Variants in HECW1 observed in about 807,000 individuals in gnomAD.
HECW1 encodes the protein E3 ubiquitin-protein ligase HECW1.
Under a neutral mutation model 182.3 loss-of-function variants are expected in HECW1, and 61 were observed. The observed-to-expected ratio is 0.33, with a 90% CI of 0.27 to 0.41. The LOEUF is 0.41. Among genes scored for constraint, HECW1 ranks in the 10% least tolerant of loss-of-function variants. The probability of loss-of-function intolerance (pLI) is 1.00; values close to 1 mark genes in which losing one functional copy is unlikely to be tolerated. For synonymous variants in HECW1, 859 were observed against 832.6 expected (o/e 1.03, Z -0.55); for missense variants, 1,739 against 2,108.9 (o/e 0.82, Z 3.44).
rs1222301186 is a variant in HECW1, at chr7:43,243,987, C to T, written c.27+55C>T. On this transcript the variant is annotated intron_variant, in intron 3 of 29. Coordinates refer to ENST00000395891, the MANE Select transcript of HECW1 (RefSeq NM_015052.5). This position sits in a 1 kb window ranked among gnomAD's most constrained non-coding sequence, Gnocchi z 4.0. ...CATCCATGTCATTCCATTATAAACC[C>T]ACTCCACTCATAATGGAATGTGCCT... is the stretch of plus-strand genomic sequence containing the variant. 7.4e-7 allele frequency: 1 copy of T among 1,344,112 alleles called. No homozygotes were observed. Among genetic ancestry groups the T allele is most frequent in the African/African-American group, 1.4e-5 (1 of 69,794 alleles). The allele number at this position is 1,344,112 out of a possible 1,614,324, so 83.3% of individuals were successfully genotyped here. A position where few individuals can be genotyped will look rare whatever the true frequency, so the allele number is the denominator to read the frequency against.
At chr7:43,446,100 T>C (rs2077045991) in intron 11 of HECW1, among the ~76,000 whole-genome samples, 1 of 152,240 alleles carries the variant, frequency 6.6e-6, no homozygotes, top group Non-Finnish European at 1.5e-5. Context: ...CTAGCCTACA[T>C]ATATTTGTCA....
intron 2 of HECW1, among the ~76,000 whole-genome samples, chr7:43,149,419 T>G (rs889724396): frequency 6.6e-6 from 1 of 152,244 alleles, no homozygotes; most frequent in Non-Finnish European, 1.5e-5. Context: ...CAGAATTTTT[T>G]GAAATGTCCA....
intron 2 of HECW1, among the ~76,000 whole-genome samples, chr7:43,142,817 C>T (rs529233150): frequency 6.6e-6 from 1 of 152,294 alleles, no homozygotes; most frequent in Non-Finnish European, 1.5e-5. Flanking sequence ...GCTTGTCTTG[C>T]ATCCACTCCT....
chr7:43,266,810 TA>T (rs1421891184), intron 3 of HECW1, among the ~76,000 whole-genome samples: 1 of 152,126 alleles, frequency 6.6e-6, no homozygotes, highest in Admixed American at 6.5e-5. Flanking sequence ...ATATTCTATT[TA>T]AAAGAGACAC....
chr7:43,501,364 G>A (rs377126287), intron 21 of HECW1, 42 bp downstream of exon 21: 14 of 1,113,374 alleles, frequency 1.3e-5, no homozygotes, highest in Middle Eastern at 2.0e-4. Context: ...AAGTGGCCAC[G>A]TGTGTTTCCT....
intron 7 of HECW1, among the ~76,000 whole-genome samples, chr7:43,399,545 A>G (rs898263369): frequency 1.3e-5 from 2 of 152,186 alleles, no homozygotes; most frequent in African/African-American, 4.8e-5. Flanking sequence ...CTGAAGCCCA[A>G]GAGGAATGCC....
intron 26 of HECW1, among the ~76,000 whole-genome samples, chr7:43,549,678 A>G (rs1202422796): frequency 1.3e-5 from 2 of 152,160 alleles, no homozygotes; most frequent in Non-Finnish European, 2.9e-5. Context: ...TGGCAGCGCC[A>G]TTTGCTGTGT....
chr7:43,334,084 T>A (rs192500738), intron 5 of HECW1, among the ~76,000 whole-genome samples: 316 of 152,348 alleles, frequency 2.1e-3, no homozygotes, highest in Non-Finnish European at 3.5e-3. Context: ...TTCAGCCAAG[T>A]CAATGGTTGT....
chr7:43,197,218 A>G (rs1794541799), intron 2 of HECW1, among the ~76,000 whole-genome samples: 1 of 152,154 alleles, frequency 6.6e-6, no homozygotes, highest in South Asian at 2.1e-4. Flanking sequence ...GGAAAAAAAA[A>G]GGAAAATCTC....
At position 43,454,013 on chromosome 7, in the gene HECW1, G is replaced by A. The variant is rs141806025; in HGVS notation, c.2501-2284G>A. 8.5e-3 allele frequency among the ~76,000 whole-genome samples: 1,292 copies of A among 152,202 alleles called. 15 individuals are homozygous for A. Among genetic ancestry groups the A allele is most frequent in the African/African-American group, 0.029 (1,201 of 41,528 alleles). On this transcript the variant is annotated intron_variant, in intron 12 of 29. Coordinates refer to ENST00000395891, the MANE Select transcript of HECW1 (RefSeq NM_015052.5). ...ATATAATTAGCACAATACATTCCAG[G>A]TATTTAATGTATTGACAAAAGAGCC...
chr7:43,447,179 T>TG (rs906668907), intron 11 of HECW1, among the ~76,000 whole-genome samples: 2 of 151,898 alleles, frequency 1.3e-5, no homozygotes, highest in Non-Finnish European at 1.5e-5. Context: ...TTTTTTTTTT[T>TG]GTATTAAAAA....
rs796808336 is a variant in HECW1 at position 43,319,318 on chromosome 7, C to T, written c.353-1317C>T. ...AGGAGAATGGCGTGAACCCGGGAAGCGGAGCTTGCAGTGAGCCGAGATTGC... is the reference window on the plus strand; with the variant it reads ...AGGAGAATGGCGTGAACCCGGGAAGTGGAGCTTGCAGTGAGCCGAGATTGC... On this transcript the variant is annotated intron_variant, in intron 4 of 29. Transcript: ENST00000395891. Among the ~76,000 whole-genome samples, 476 of 141,794 alleles carry T rather than the reference C, an allele frequency of 3.4e-3. 3 individuals are homozygous for T. Among genetic ancestry groups the T allele is most frequent in the African/African-American group, 0.012 (465 of 38,644 alleles). 93.0% of individuals were successfully genotyped at this position (141,794 alleles called of 152,430 possible).
intron 6 of HECW1, among the ~76,000 whole-genome samples, chr7:43,361,952 G>A (rs1815988934): frequency 6.7e-6 from 1 of 149,946 alleles, no homozygotes; most frequent in Non-Finnish European, 1.5e-5. Flanking sequence ...GACCAGCCTG[G>A]CCAACATGGT....
intron 2 of HECW1, among the ~76,000 whole-genome samples, chr7:43,233,994 G>A (rs984082846): frequency 6.6e-5 from 10 of 152,330 alleles, no homozygotes; most frequent in African/African-American, 2.4e-4. Flanking sequence ...AAGCTTCATC[G>A]CAGGTAGCGA....
At chr7:43,187,845 C>T (rs1022042508) in intron 2 of HECW1, among the ~76,000 whole-genome samples, 1 of 151,988 alleles carries the variant, frequency 6.6e-6, no homozygotes, top group African/African-American at 2.4e-5. Context: ...TATCTCCTAC[C>T]CCAAAACTAC....
intron 6 of HECW1, among the ~76,000 whole-genome samples, chr7:43,363,138 G>C (rs1339480621): frequency 6.6e-6 from 1 of 152,184 alleles, no homozygotes; most frequent in Non-Finnish European, 1.5e-5. Flanking sequence ...TCACAGTGTT[G>C]TGCAATGTAG....
rs914122601 is a variant in HECW1 at position 43,445,308 on chromosome 7, G to C, written c.2136G>C (p.Arg712Ser). The change falls in exon 11 of 30, where the codon AGG (arginine) becomes AGC (serine). Residue 712 changes from arginine (R) to serine (S), a missense_variant. Physicochemically the swap from Arg to Ser is moderately radical, Grantham distance 110. This residue lies in a region of HECW1 where 971 missense variants were observed against 1,029.1 expected (regional missense o/e 0.94). Transcript: ENST00000395891. ...CYSPSCYNGNRFASHTRFSSV... is the reference protein window; with the variant it reads ...CYSPSCYNGNSFASHTRFSSV... ...GCCCCTCCTGCTACAACGGCAACAG[G>C]TTCGCCAGCCACACGCGCTTCTCCT... The C allele has an allele frequency of 6.2e-7, 1 of 1,613,318 alleles. No individual in the cohort carries two copies. Among genetic ancestry groups the C allele is most frequent in the Non-Finnish European group, 8.5e-7 (1 of 1,180,034 alleles).
intron 2 of HECW1, among the ~76,000 whole-genome samples, chr7:43,164,041 A>G (rs1055720572): frequency 3.3e-5 from 5 of 152,180 alleles, no homozygotes; most frequent in Non-Finnish European, 7.4e-5. Flanking sequence ...GAGAAGAGCC[A>G]GGGCAGGCAG....
At chr7:43,331,142 C>A (rs1304681157) in intron 5 of HECW1, among the ~76,000 whole-genome samples, 5 of 152,032 alleles carry the variant, frequency 3.3e-5, no homozygotes, top group Admixed American at 6.5e-5. Context: ...CCACTCCCCC[C>A]ACCCCACGAC....
Sources: allele counts gnomAD v4.1 joint callset (sites outside exome capture counted in the v4.1 genomes callset), GRCh38; gene constraint gnomAD v4.1.1; regional missense constraint gnomAD v4.1.1; non-coding constraint Gnocchi (gnomAD v3.1); transcripts MANE v1.5; gene names NCBI Gene and HGNC (gene_info 2026-07-23, HGNC 2026-07-21).